The following NT5C2 variants were observed in gnomAD, a reference collection of about 807,000 sequenced individuals.
The protein encoded by NT5C2 is 5'-nucleotidase, cytosolic II.
In NT5C2, 58 loss-of-function variants were observed where a neutral mutation model predicts 76.1. That is an observed-to-expected ratio of 0.76 (90% CI 0.62 to 0.95). The LOEUF is 0.95. Among genes scored for constraint, NT5C2 ranks in the 40% least tolerant of loss-of-function variants. NT5C2 has a pLI of 0.00. For missense variants in NT5C2, 478 were observed against 690.3 expected (o/e 0.69, Z 3.45); for synonymous variants, 229 against 237.4 (o/e 0.96, Z 0.32).
Position 103,093,305 on chromosome 10 carries a change from A to G in NT5C2, c.993T>C (p.Ser331=). 1 of 1,575,856 alleles carries G rather than the reference A, an allele frequency of 6.3e-7. No homozygotes were observed. Among genetic ancestry groups the G allele is most frequent in the East Asian group, 2.3e-5 (1 of 43,748 alleles). The change falls in exon 15 of 19, where the codon TCT becomes TCC. Residue 331 remains serine (S), a synonymous_variant. Transcript: ENST00000404739. ...LQHGIVYSGG[S]SDTICDLLGA... ...CCAACAGGTCACAGATCGTATCAGA[A>G]GAACCTGAACCAACAGAGTGAACAA... is the stretch of plus-strand genomic sequence containing the variant.
At position 103,138,263 on chromosome 10, in the gene NT5C2, T is replaced by G. The variant is rs1365287387; in HGVS notation, c.175+1143A>C. 3.3e-5 allele frequency among the ~76,000 whole-genome samples: 5 copies of G among 152,016 alleles called. No individual in the cohort carries two copies. The South Asian group carries it at 1.0e-3, about 32-fold the overall frequency. The stretch of plus-strand genomic sequence containing the variant: ...AAAGAAACCCCAGTACATCTCTGAG[T>G]TTTTTGGGGTTTGTTTGTTTTTTGT... On this transcript the variant is annotated intron_variant, in intron 4 of 18. Transcript: ENST00000404739.
At chr10:103,141,831 C>T (rs2080475658) in intron 3 of NT5C2, among the ~76,000 whole-genome samples, 1 of 152,154 alleles carries the variant, frequency 6.6e-6, no homozygotes, top group Non-Finnish European at 1.5e-5. Context: ...TTGTAATTTA[C>T]TCTGTTTATC....
chr10:103,099,866 A>C (rs562986249), intron 9 of NT5C2, 60 bp downstream of exon 9: 37 of 1,067,432 alleles, frequency 3.5e-5, no homozygotes, highest in Non-Finnish European at 4.9e-5. Context: ...TGGAAAGTTA[A>C]TGCCACGCCA....
intron 2 of NT5C2, among the ~76,000 whole-genome samples, chr10:103,179,971 C>T (rs559908395): frequency 6.6e-6 from 1 of 152,198 alleles, no homozygotes; most frequent in South Asian, 2.1e-4. Flanking sequence ...AAAAGACAAG[C>T]TATGGTTTGG....
At chr10:103,159,251 G>GCACACACACACA (rs57117670) in intron 3 of NT5C2, among the ~76,000 whole-genome samples, 9 of 133,202 alleles carry the variant, frequency 6.8e-5, no homozygotes, top group South Asian at 2.5e-4. Context: ...TCCAAAACAT[G>GCACACACACACA]CACACACACA....
chr10:103,088,972 G>C lies in NT5C2; in HGVS notation c.*700C>G, dbSNP rs1225640164. On this transcript the variant is annotated 3_prime_UTR_variant, in exon 19 of 19. Coordinates refer to ENST00000404739, the MANE Select transcript of NT5C2 (RefSeq NM_001351169.2). ...AAATTCTTTCTATAGATTTATCACA[G>C]ATAAGAAGGAGGTTGTTTTTGGATA... 2 of 209,334 alleles carry C rather than the reference G, an allele frequency of 9.6e-6. No homozygotes were observed. Among genetic ancestry groups the C allele is most frequent in the African/African-American group, 2.3e-5 (1 of 43,994 alleles). The allele number at this position is 209,334 out of a possible 1,614,324, so 13.0% of individuals were successfully genotyped here.
intron 4 of NT5C2, among the ~76,000 whole-genome samples, chr10:103,123,097 T>C (rs2076006019): frequency 6.6e-6 from 1 of 152,166 alleles, no homozygotes; most frequent in African/African-American, 2.4e-5. Context: ...TACATATAAG[T>C]CATCTTATCT....
At chr10:103,168,897 C>T (rs1394405330) in intron 3 of NT5C2, among the ~76,000 whole-genome samples, 4 of 152,152 alleles carry the variant, frequency 2.6e-5, no homozygotes, top group Non-Finnish European at 4.4e-5. Context: ...CTAACTTAAC[C>T]AATGATAAAT....
At chr10:103,132,888 G>C (rs894799472) in intron 4 of NT5C2, among the ~76,000 whole-genome samples, 2 of 152,078 alleles carry the variant, frequency 1.3e-5, no homozygotes, top group Non-Finnish European at 2.9e-5. Flanking sequence ...TATGTCAAGA[G>C]TTAAAAAAAG....
chr10:103,186,115 A>T (rs1199714423), intron 1 of NT5C2, among the ~76,000 whole-genome samples: 1 of 152,240 alleles, frequency 6.6e-6, no homozygotes, highest in East Asian at 1.9e-4. Flanking sequence ...TCACAGAATT[A>T]TACTGTGGTT....
chr10:103,137,431 ATGTATTACT>A (rs1248590661), intron 4 of NT5C2, among the ~76,000 whole-genome samples: 1 of 152,234 alleles, frequency 6.6e-6, no homozygotes, highest in African/African-American at 2.4e-5. Context: ...TATATTTTTA[ATGTATTACT>A]TGTTTGGTAA....
At chr10:103,182,058 A>G (rs1423907669) in intron 1 of NT5C2, among the ~76,000 whole-genome samples, 2 of 152,050 alleles carry the variant, frequency 1.3e-5, no homozygotes, top group African/African-American at 2.4e-5. Flanking sequence ...TTTCATGACA[A>G]TTCTGCATTA....
chr10:103,105,592 T>A, intron 6 of NT5C2, 114 bp downstream of exon 6: 1 of 720,798 alleles, frequency 1.4e-6, no homozygotes, highest in Non-Finnish European at 2.3e-6. Context: ...TAAGGGAATT[T>A]GCTCTTTAAT....
chr10:103,153,114 A>T (rs2082682962), intron 3 of NT5C2, among the ~76,000 whole-genome samples: 1 of 152,208 alleles, frequency 6.6e-6, no homozygotes, highest in African/African-American at 2.4e-5. Flanking sequence ...AAACAACAAT[A>T]GCAACTTTAT....
intron 4 of NT5C2, among the ~76,000 whole-genome samples, chr10:103,119,789 A>C (rs1591047674): frequency 7.3e-6 from 1 of 136,728 alleles, no homozygotes; most frequent in African/African-American, 2.7e-5. Flanking sequence ...TTACATTGTC[A>C]TTGGTTTCAT....
chr10:103,179,886 T>G (rs558099696), intron 2 of NT5C2, among the ~76,000 whole-genome samples: 1 of 152,334 alleles, frequency 6.6e-6, no homozygotes, highest in South Asian at 2.1e-4. Context: ...TCCCTCTTCA[T>G]GGCTAACAGA....
chr10:103,122,326 C>T (rs747119349), intron 4 of NT5C2, among the ~76,000 whole-genome samples: 5 of 152,192 alleles, frequency 3.3e-5, no homozygotes, highest in Non-Finnish European at 7.3e-5. Context: ...TGGAAGATTA[C>T]AATTCAACTG....
At chr10:103,160,052 TCAAA>T (rs1437089823) in intron 3 of NT5C2, among the ~76,000 whole-genome samples, 3 of 152,124 alleles carry the variant, frequency 2.0e-5, no homozygotes, top group African/African-American at 7.2e-5. Flanking sequence ...GACAAATAGA[TCAAA>T]CAAATATAAT....
chr10:103,149,176 C>A (rs964843061), intron 3 of NT5C2, among the ~76,000 whole-genome samples: 6 of 152,074 alleles, frequency 3.9e-5, no homozygotes, highest in Non-Finnish European at 8.8e-5. Context: ...GAAAGCAAAT[C>A]CTCTCTGGAA....
Sources: allele counts gnomAD v4.1 joint callset (sites outside exome capture counted in the v4.1 genomes callset), GRCh38; gene constraint gnomAD v4.1.1; transcripts MANE v1.5; gene names NCBI Gene and HGNC (gene_info 2026-07-23, HGNC 2026-07-21).